The following SHISA9 variants were observed in gnomAD, a reference collection of about 807,000 sequenced individuals.
The protein encoded by SHISA9 is shisa family member 9.
In SHISA9, 13 loss-of-function variants were observed where a neutral mutation model predicts 38.0. The ratio of observed to expected loss-of-function variants is 0.34; its 90% CI spans 0.22 to 0.54. The LOEUF (loss-of-function observed/expected upper bound fraction) is 0.54, where lower values mean the gene tolerates loss of function less well. SHISA9 is among the 20% of genes least tolerant of loss of function. The pLI, the probability that SHISA9 is intolerant of heterozygous loss-of-function variation, is 0.91. For synonymous variants in SHISA9, 275 were observed against 242.0 expected, an observed-to-expected ratio of 1.14 and a Z score of -1.27; for missense variants, 538 against 575.8, an observed-to-expected ratio of 0.93 and a Z score of 0.67.
chr16:13,230,058 T>C (rs1289184575), intron 4 of SHISA9, among the ~76,000 whole-genome samples: 1 of 152,142 alleles, frequency 6.6e-6, no homozygotes, highest in Non-Finnish European at 1.5e-5. Flanking sequence ...CCCCTTTGTG[T>C]GCCCTTTCAG....
At chr16:13,027,782 C>T (rs747672785) in intron 2 of SHISA9, among the ~76,000 whole-genome samples, 11 of 151,790 alleles carry the variant, frequency 7.2e-5, no homozygotes, top group Admixed American at 2.0e-4. Flanking sequence ...CAAAAATTAG[C>T]TGGGTATGGT....
chr16:13,180,129 G>A (rs1567237250), intron 2 of SHISA9, among the ~76,000 whole-genome samples: 1 of 152,212 alleles, frequency 6.6e-6, no homozygotes, highest in Non-Finnish European at 1.5e-5. Context: ...CAATGTACGT[G>A]GAACATTTGT....
At chr16:13,299,724 A>G in the SHISA9 span, among the ~76,000 whole-genome samples, 1 of 151,298 alleles carries the variant, frequency 6.6e-6, no homozygotes, top group Non-Finnish European at 1.5e-5. Flanking sequence ...AAAAAAAAAA[A>G]CAAAAAAAAC....
At chr16:12,908,726 A>G (rs1567334850) in intron 1 of SHISA9, 16 of 1,457,068 alleles carry the variant, frequency 1.1e-5, no homozygotes, top group Non-Finnish European at 1.4e-5. Flanking sequence ...CTACCGTAAG[A>G]TGAAGTCTAG....
the SHISA9 span, among the ~76,000 whole-genome samples, chr16:13,415,829 T>C: frequency 1.3e-5 from 2 of 149,426 alleles, no homozygotes; most frequent in African/African-American, 4.9e-5. Flanking sequence ...AAAAAAAAAG[T>C]CACTTTGATT....
chr16:13,250,664 TAAC>T, the SHISA9 span, among the ~76,000 whole-genome samples: 1 of 152,154 alleles, frequency 6.6e-6, no homozygotes, highest in African/African-American at 2.4e-5. Context: ...CTTATATATA[TAAC>T]AACAATACAC....
At chr16:12,956,376 T>G (rs2071835413) in intron 2 of SHISA9, among the ~76,000 whole-genome samples, 1 of 152,194 alleles carries the variant, frequency 6.6e-6, no homozygotes, top group Non-Finnish European at 1.5e-5. Context: ...ATAACACCAT[T>G]TTTATTTGCC....
chr16:13,049,153 AGTATGTGTGTGT>A (rs760337584), intron 2 of SHISA9, among the ~76,000 whole-genome samples: 67,123 of 138,226 alleles, frequency 0.49, 14,953 homozygotes, highest in Middle Eastern at 0.59. Context: ...TTTGGTTAGG[AGTATGTGTGTGT>A]GTGTGTGTGT....
the SHISA9 span, among the ~76,000 whole-genome samples, chr16:13,512,845 T>C: frequency 1.3e-5 from 2 of 152,174 alleles, no homozygotes; most frequent in Non-Finnish European, 2.9e-5. Flanking sequence ...TTATACCGTA[T>C]ACAAAAATTA....
At chr16:13,267,230 G>A in the SHISA9 span, among the ~76,000 whole-genome samples, 2 of 152,094 alleles carry the variant, frequency 1.3e-5, no homozygotes, top group Non-Finnish European at 2.9e-5. Flanking sequence ...GATCCTGAAA[G>A]CTAAATTAGA....
At chr16:13,074,941 G>T (rs1271952566) in intron 2 of SHISA9, among the ~76,000 whole-genome samples, 1 of 152,048 alleles carries the variant, frequency 6.6e-6, no homozygotes, top group African/African-American at 2.4e-5. Context: ...TGGGATTACC[G>T]GTGTGAGCCA....
chr16:13,420,110 G>T, the SHISA9 span, among the ~76,000 whole-genome samples: 1 of 151,926 alleles, frequency 6.6e-6, no homozygotes, highest in African/African-American at 2.4e-5. Context: ...GCCAGGTGTG[G>T]TGGTGGGCAC....
intron 3 of SHISA9, among the ~76,000 whole-genome samples, chr16:13,204,467 C>G (rs1384461060): frequency 6.6e-6 from 1 of 152,160 alleles, no homozygotes; most frequent in Non-Finnish European, 1.5e-5. Flanking sequence ...TCCATCTACC[C>G]TAGCTGATCC....
intron 2 of SHISA9, among the ~76,000 whole-genome samples, chr16:13,028,314 T>C (rs908507356): frequency 2.6e-5 from 4 of 152,128 alleles, no homozygotes; most frequent in Non-Finnish European, 5.9e-5. Flanking sequence ...CAGGAAGTGA[T>C]AAAGGGAGCT....
chr16:13,234,984 C>CTCTG, intron 4 of SHISA9, 46 bp from the exon 5 acceptor site: 1 of 1,492,904 alleles, frequency 6.7e-7, no homozygotes, highest in Non-Finnish European at 9.0e-7. Context: ...CTCTCTCTCT[C>CTCTG]TCTTCTCTTT....
At chr16:13,166,287 C>T (rs564557822) in intron 2 of SHISA9, among the ~76,000 whole-genome samples, 47 of 152,320 alleles carry the variant, frequency 3.1e-4, no homozygotes, top group Non-Finnish European at 5.7e-4. Context: ...TGGCTTCCAT[C>T]GTTCCTTCTA....
intron 2 of SHISA9, among the ~76,000 whole-genome samples, chr16:13,131,424 G>A (rs1190465104): frequency 6.6e-6 from 1 of 152,048 alleles, no homozygotes; most frequent in African/African-American, 2.4e-5. Flanking sequence ...AAGAACACAT[G>A]GACACATGGC....
At chr16:13,147,495 G>A (rs576800125) in intron 2 of SHISA9, among the ~76,000 whole-genome samples, 4 of 111,516 alleles carry the variant, frequency 3.6e-5, no homozygotes, top group South Asian at 3.0e-4. Flanking sequence ...TTCCAGTCTC[G>A]CTCTGTCACC....
intron 2 of SHISA9, among the ~76,000 whole-genome samples, chr16:13,023,138 T>C (rs12596651): frequency 3.3e-5 from 5 of 152,124 alleles, no homozygotes; most frequent in Non-Finnish European, 5.9e-5. Context: ...TCATTTACAT[T>C]AGGTATTTCT....
Sources: allele counts gnomAD v4.1 joint callset (sites outside exome capture counted in the v4.1 genomes callset), GRCh38; gene constraint gnomAD v4.1.1; transcripts MANE v1.5; gene names NCBI Gene and HGNC (gene_info 2026-07-23, HGNC 2026-07-21).